Variants in SGCZ observed in about 807,000 individuals in gnomAD.
SGCZ encodes sarcoglycan zeta, also known as zeta-sarcoglycan.
SGCZ carries 40 observed loss-of-function variants against 41.3 expected under a neutral mutation model. The ratio of observed to expected loss-of-function variants is 0.97; its 90% confidence interval spans 0.75 to 1.26. The LOEUF (loss-of-function observed/expected upper bound fraction) is 1.26, where lower values mean the gene tolerates loss of function less well. Ranked by LOEUF, SGCZ falls within the 50% of genes most tolerant of loss-of-function variation. SGCZ has a pLI of 0.00. For missense variants in SGCZ, 552 were observed against 369.8 expected (o/e 1.49, Z -4.04); for synonymous variants, 206 against 137.5 (o/e 1.50, Z -3.49).
intron 1 of SGCZ, among the ~76,000 whole-genome samples, chr8:14,986,491 C>A (rs1252248271): frequency 2.0e-5 from 3 of 152,086 alleles, no homozygotes; most frequent in East Asian, 1.9e-4. Flanking sequence ...AGTAATTGAA[C>A]AAATTAGAAG....
intron 1 of SGCZ, chr8:14,690,526 G>T (rs1808765265): frequency 6.6e-6 from 1 of 152,126 alleles, no homozygotes; most frequent in Non-Finnish European, 1.5e-5. Context: ...GCCAAAAGGG[G>T]TGTCTGGAAT....
intron 1 of SGCZ, among the ~76,000 whole-genome samples, chr8:14,941,962 T>C (rs1800289550): frequency 6.6e-6 from 1 of 151,868 alleles, no homozygotes; most frequent in Non-Finnish European, 1.5e-5. Flanking sequence ...AATGTGAGAA[T>C]TAAACACTGT....
At chr8:15,066,079 C>T (rs1225301078) in intron 1 of SGCZ, among the ~76,000 whole-genome samples, 6 of 151,952 alleles carry the variant, frequency 3.9e-5, no homozygotes, top group African/African-American at 7.2e-5. Context: ...GAGGCCGAGG[C>T]GGGTGGATCA....
At chr8:14,770,762 T>A (rs962138305) in intron 1 of SGCZ, among the ~76,000 whole-genome samples, 1 of 152,210 alleles carries the variant, frequency 6.6e-6, no homozygotes, top group Non-Finnish European at 1.5e-5. Flanking sequence ...AACCCTGTGA[T>A]TGAGACAAAC....
At chr8:14,512,666 A>T (rs73190257) in intron 2 of SGCZ, among the ~76,000 whole-genome samples, 2,654 of 151,682 alleles carry the variant, frequency 0.017, 39 homozygotes, top group East Asian at 0.079. Flanking sequence ...TGGTCCCATT[A>T]TGTTGCCCAG....
At chr8:14,871,824 G>A (rs1013961147) in intron 1 of SGCZ, among the ~76,000 whole-genome samples, 40 of 147,698 alleles carry the variant, frequency 2.7e-4, no homozygotes, top group African/African-American at 9.4e-4. Flanking sequence ...ATATGTGTGT[G>A]TATATATATA....
chr8:14,129,520 G>T (rs1311535347), intron 5 of SGCZ, among the ~76,000 whole-genome samples: 1 of 151,536 alleles, frequency 6.6e-6, no homozygotes, highest in Non-Finnish European at 1.5e-5. Flanking sequence ...AGAGACAAAT[G>T]AAAACAAAAA....
At chr8:15,006,330 G>T (rs974426216) in intron 1 of SGCZ, among the ~76,000 whole-genome samples, 26 of 152,194 alleles carry the variant, frequency 1.7e-4, no homozygotes, top group African/African-American at 5.8e-4. Flanking sequence ...CCATTTGAGT[G>T]GCACTCAAAA....
chr8:15,033,526 G>A (rs1349530775), intron 1 of SGCZ, among the ~76,000 whole-genome samples: 1 of 152,004 alleles, frequency 6.6e-6, no homozygotes, highest in Admixed American at 6.6e-5. Flanking sequence ...TCAGGCTCCA[G>A]GAGCACCACT....
At chr8:14,318,090 G>A (rs1801775618) in intron 3 of SGCZ, among the ~76,000 whole-genome samples, 1 of 151,800 alleles carries the variant, frequency 6.6e-6, no homozygotes, top group African/African-American at 2.4e-5. Context: ...GTATAAGAAA[G>A]GTTGTATTTC....
intron 4 of SGCZ, among the ~76,000 whole-genome samples, chr8:14,232,278 C>T (rs1055186508): frequency 5.9e-5 from 9 of 152,058 alleles, no homozygotes; most frequent in Non-Finnish European, 1.2e-4. Flanking sequence ...ACTTCATAAA[C>T]CTTCTTGGAC....
intron 1 of SGCZ, among the ~76,000 whole-genome samples, chr8:14,645,214 T>C (rs1384487775): frequency 2.6e-5 from 4 of 151,590 alleles, no homozygotes; most frequent in Non-Finnish European, 5.9e-5. Flanking sequence ...CTCTACAAAA[T>C]TTTTGGCTAT....
At chr8:14,654,255 A>G (rs964608038) in intron 1 of SGCZ, among the ~76,000 whole-genome samples, 2 of 151,586 alleles carry the variant, frequency 1.3e-5, no homozygotes, top group African/African-American at 4.8e-5. Flanking sequence ...AAGGATATCC[A>G]TTGCATGGAA....
chr8:14,189,883 C>T (rs868271383), intron 4 of SGCZ, among the ~76,000 whole-genome samples: 5 of 152,236 alleles, frequency 3.3e-5, no homozygotes, highest in Middle Eastern at 3.4e-3. Context: ...TGTTTCTAAC[C>T]TGTAAGAGAA....
At chr8:14,347,077 G>A (rs923104762) in intron 2 of SGCZ, among the ~76,000 whole-genome samples, 3 of 151,916 alleles carry the variant, frequency 2.0e-5, no homozygotes, top group Non-Finnish European at 2.9e-5. Flanking sequence ...ATTAGCCCTC[G>A]TTAGTTGCCA....
chr8:14,143,022 A>G (rs1431306572), intron 5 of SGCZ, among the ~76,000 whole-genome samples: 1 of 151,768 alleles, frequency 6.6e-6, no homozygotes, highest in African/African-American at 2.4e-5. Flanking sequence ...AGAATCAACC[A>G]ACATAAGCCC....
intron 1 of SGCZ, among the ~76,000 whole-genome samples, chr8:15,008,747 GA>G (rs1327985121): frequency 1.6e-5 from 1 of 60,774 alleles, no homozygotes; most frequent in African/African-American, 6.7e-5. Flanking sequence ...GGGAGGGGAA[GA>G]GGGGGGAGGA....
In SGCZ at chr8:14,085,458, T is replaced by A. The variant is rs7013166; in HGVS notation, c.*4985A>T. ...ATAAATACGCAAACAAATGAGATAC[T>A]AAGACTGAAAAAAACAAAAAATAAC... On this transcript the variant is annotated 3_prime_UTR_variant, in exon 8 of 8. Coordinates refer to ENST00000382080, the MANE Select transcript of SGCZ (RefSeq NM_139167.4). 4.4e-3 allele frequency among the ~76,000 whole-genome samples: 671 copies of A among 151,880 alleles called. 4 individuals are homozygous for A. Among genetic ancestry groups the A allele is most frequent in the African/African-American group, 0.015 (643 of 41,510 alleles).
At chr8:14,725,648 A>G (rs1341021940) in intron 1 of SGCZ, among the ~76,000 whole-genome samples, 2 of 152,222 alleles carry the variant, frequency 1.3e-5, no homozygotes, top group Non-Finnish European at 2.9e-5. Flanking sequence ...AAAAATCACT[A>G]TTACTAACAC....
Sources: allele counts gnomAD v4.1 joint callset (sites outside exome capture counted in the v4.1 genomes callset), GRCh38; gene constraint gnomAD v4.1.1; transcripts MANE v1.5; gene names NCBI Gene and HGNC (gene_info 2026-07-23, HGNC 2026-07-21).